SMURF1: variants seen among roughly 807,000 people sequenced by gnomAD.
SMURF1 encodes E3 ubiquitin-protein ligase SMURF1.
SMURF1 carries 44 observed loss-of-function variants against 98.0 expected under a neutral mutation model. The observed-to-expected ratio is 0.45, with a 90% CI of 0.35 to 0.58. The LOEUF (loss-of-function observed/expected upper bound fraction) is 0.58. Ranked by LOEUF, SMURF1 falls within the 20% of genes least tolerant of loss-of-function variation. The probability of loss-of-function intolerance (pLI) is 0.00; values close to 1 mark genes in which losing one functional copy is unlikely to be tolerated. For missense variants in SMURF1, 687 were observed against 938.4 expected (o/e 0.73, Z 3.50); for synonymous variants, 396 against 374.9 (o/e 1.06, Z -0.65).
intron 13 of SMURF1, among the ~76,000 whole-genome samples, chr7:99,039,368 CAG>C (rs1374139641): frequency 6.6e-6 from 1 of 151,522 alleles, no homozygotes; most frequent in Non-Finnish European, 1.5e-5. Context: ...TTTTTTGAGA[CAG>C]AGACTCACTC....
chr7:99,122,799 G>A (rs893106319), intron 1 of SMURF1, among the ~76,000 whole-genome samples: 1 of 98,930 alleles, frequency 1.0e-5, no homozygotes, highest in Non-Finnish European at 1.9e-5. Context: ...TCACTTCTCT[G>A]TGTCTTTTGG....
rs1378532523 is a variant in SMURF1 at position 99,123,427 on chromosome 7, G to A, written c.55+20299C>T. On this transcript the variant is annotated intron_variant, in intron 1 of 17. Coordinates refer to ENST00000361368, the MANE Select transcript of SMURF1 (RefSeq NM_181349.3). Reference sequence around the variant, plus strand: ...GCACACCTGTAGTCCCAGCTACTCAGGAGGCCAACGTGGGAGGATCTGCTT... The same window carrying A: ...GCACACCTGTAGTCCCAGCTACTCAAGAGGCCAACGTGGGAGGATCTGCTT... Among the ~76,000 whole-genome samples, 3 of 152,186 alleles carry A rather than the reference G, an allele frequency of 2.0e-5. No homozygotes were observed. The East Asian group carries it at 5.8e-4, about 29-fold the overall frequency.
chr7:99,037,287 G>T lies in SMURF1; in HGVS notation c.1689-100C>A. On this transcript the variant is annotated intron_variant, in intron 14 of 17. Transcript: ENST00000361368. ...GGGTCTCACTCTGTCACCCAGGCTG[G>T]AGTGCAATGGCTCAATCTCGGCTCA... 2.1e-6 allele frequency: 3 copies of T among 1,462,310 alleles called. 1 individual carries two copies. In the South Asian group the frequency reaches 3.5e-5, roughly 17 times the overall value. The allele number at this position is 1,462,310 out of a possible 1,614,324, so 90.6% of individuals were successfully genotyped here. A position where few individuals can be genotyped will look rare whatever the true frequency, so the allele number is the denominator to read the frequency against.
intron 1 of SMURF1, among the ~76,000 whole-genome samples, chr7:99,080,773 C>G (rs539327649): frequency 3.9e-4 from 59 of 152,318 alleles, no homozygotes; most frequent in African/African-American, 1.3e-3. Flanking sequence ...AGCAAAATTA[C>G]AGGCGATGGT....
chr7:99,100,132 A>C (rs950267730), intron 1 of SMURF1, among the ~76,000 whole-genome samples: 1 of 152,068 alleles, frequency 6.6e-6, no homozygotes, highest in Admixed American at 6.6e-5. Context: ...AAAAAGCTGC[A>C]AAGCAAAATG....
intron 1 of SMURF1, among the ~76,000 whole-genome samples, chr7:99,126,320 CT>C (rs1308898522): frequency 6.7e-6 from 1 of 150,184 alleles, no homozygotes; most frequent in Non-Finnish European, 1.5e-5. Flanking sequence ...CTTATTTCTT[CT>C]TTATACTTTT....
At chr7:99,135,584 T>C (rs182534982) in intron 1 of SMURF1, among the ~76,000 whole-genome samples, 32 of 152,360 alleles carry the variant, frequency 2.1e-4, no homozygotes, top group African/African-American at 7.0e-4. Flanking sequence ...TAAAACACTA[T>C]CTTATTATGT....
At chr7:99,060,215 TA>T (rs1379791444) in intron 3 of SMURF1, among the ~76,000 whole-genome samples, 4 of 151,254 alleles carry the variant, frequency 2.6e-5, no homozygotes, top group East Asian at 4.0e-4. Flanking sequence ...CCATCTCTAC[TA>T]AAAAATACAA....
chr7:99,060,564 C>T (rs1353685257), intron 3 of SMURF1, 35 bp downstream of exon 3: 18 of 1,490,744 alleles, frequency 1.2e-5, no homozygotes, highest in South Asian at 3.5e-5. Flanking sequence ...GCTTTCCTGC[C>T]GCTCCGCATG....
rs147745228 is a variant in SMURF1 at position 99,098,492 on chromosome 7, G to A, written c.56-36655C>T. ...ACTTTTTTCAATTTGACAAGATCATGCCTATGATATCGAACAGTGCATTTT... is the reference window on the plus strand; with the variant it reads ...ACTTTTTTCAATTTGACAAGATCATACCTATGATATCGAACAGTGCATTTT... On this transcript the variant is annotated intron_variant, in intron 1 of 17. Transcript: ENST00000361368. Among the ~76,000 whole-genome samples the A allele has an allele frequency of 7.2e-5, 11 of 152,192 alleles. 1 individual carries two copies. Among genetic ancestry groups the A allele is most frequent in the Non-Finnish European group, 1.2e-4 (8 of 68,026 alleles).
At chr7:99,106,520 A>G (rs1215654733) in intron 1 of SMURF1, among the ~76,000 whole-genome samples, 2 of 152,258 alleles carry the variant, frequency 1.3e-5, no homozygotes, top group Admixed American at 1.3e-4. Flanking sequence ...ACAAGGTCAC[A>G]TGAACTACAA....
intron 1 of SMURF1, among the ~76,000 whole-genome samples, chr7:99,075,586 G>A (rs912326944): frequency 6.6e-6 from 1 of 150,970 alleles, no homozygotes; most frequent in Admixed American, 6.6e-5. Context: ...GGATTGAATC[G>A]AACTGTAGAA....
intron 1 of SMURF1, among the ~76,000 whole-genome samples, chr7:99,093,165 C>A (rs1476565181): frequency 2.0e-5 from 3 of 152,124 alleles, no homozygotes; most frequent in African/African-American, 7.2e-5. Context: ...GGAGAGAATG[C>A]AAGCCACACA....
At position 99,113,837 on chromosome 7, in the gene SMURF1, T is replaced by TAAAAAAAAAAAAAAAAAA. The variant is rs71118659; in HGVS notation, c.55+29871_55+29888dup. 5.9e-5 allele frequency among the ~76,000 whole-genome samples: 2 copies of TAAAAAAAAAAAAAAAAAA among 33,950 alleles called. 1 individual carries two copies. The highest frequency in any genetic ancestry group is 2.9e-4 in the African/African-American group (2 of 6,852). 22.3% of individuals were successfully genotyped at this position (33,950 alleles called of 152,430 possible). On this transcript the variant is annotated intron_variant, in intron 1 of 17. Transcript: ENST00000361368. ...CTGGGTGACAAAGTGAGACTCCGTC[T>TAAAAAAAAAAAAAAAAAA]AAAAAAAAAAAAAAAAAAAAAAAAA... is the stretch of plus-strand genomic sequence containing the variant.
intron 1 of SMURF1, among the ~76,000 whole-genome samples, chr7:99,076,875 G>A: frequency 6.6e-6 from 1 of 152,102 alleles, no homozygotes; most frequent in South Asian, 2.1e-4. Context: ...GCGTGTGCCT[G>A]CATGTGTGTG....
intron 1 of SMURF1, among the ~76,000 whole-genome samples, chr7:99,121,657 C>G (rs1289357890): frequency 6.6e-6 from 1 of 152,192 alleles, no homozygotes; most frequent in Non-Finnish European, 1.5e-5. Flanking sequence ...TGCTTTGGAT[C>G]GTAGACCACT....
chr7:99,027,932 T>G lies in SMURF1; in HGVS notation c.*2652A>C, dbSNP rs1363281154. The G allele has an allele frequency of 6.6e-6, 1 of 152,582 alleles. No individual in the cohort carries two copies. Among genetic ancestry groups the G allele is most frequent in the African/African-American group, 2.4e-5 (1 of 41,418 alleles). The allele number at this position is 152,582 out of a possible 1,614,324, so 9.5% of individuals were successfully genotyped here. A position where few individuals can be genotyped will look rare whatever the true frequency, so the allele number is the denominator to read the frequency against. The stretch of plus-strand genomic sequence containing the variant: ...GTCGAAATTCGATCTGGTGGCAGAT[T>G]CTCTTTTCAGAACTTGAGAGAGCCC... On this transcript the variant is annotated 3_prime_UTR_variant, in exon 18 of 18. Transcript: ENST00000361368.
intron 1 of SMURF1, among the ~76,000 whole-genome samples, chr7:99,135,530 C>T (rs189870997): frequency 6.6e-6 from 1 of 152,286 alleles, no homozygotes; most frequent in Non-Finnish European, 1.5e-5. Context: ...TGCTTTTTCC[C>T]CCCACTCAAT....
At chr7:99,055,998 T>C (rs942430596) in intron 5 of SMURF1, among the ~76,000 whole-genome samples, 1 of 152,216 alleles carries the variant, frequency 6.6e-6, no homozygotes, top group African/African-American at 2.4e-5. Flanking sequence ...CAGAGAGTAC[T>C]TTCAGTATCT....
Sources: allele counts gnomAD v4.1 joint callset (sites outside exome capture counted in the v4.1 genomes callset), GRCh38; gene constraint gnomAD v4.1.1; transcripts MANE v1.5; gene names NCBI Gene and HGNC (gene_info 2026-07-23, HGNC 2026-07-21).